The following CD99 variants were observed in gnomAD, a reference collection of about 807,000 sequenced individuals.
CD99 encodes CD99 antigen.
CD99 carries 19 observed loss-of-function variants against 28.4 expected under a neutral mutation model. That is an observed-to-expected ratio of 0.67 (90% CI 0.47 to 0.98). The LOEUF (loss-of-function observed/expected upper bound fraction) is 0.98. Ranked by LOEUF, CD99 falls within the 50% of genes least tolerant of loss-of-function variation. The pLI is 0.00. For synonymous variants in CD99, 103 were observed against 92.1 expected (o/e 1.12, Z -0.67); for missense variants, 283 against 248.8 (o/e 1.14, Z -0.92).
At chrX:2,737,077 C>T (rs1005367983) in intron 8 of CD99, among the ~76,000 whole-genome samples, 2 of 151,996 alleles carry the variant, frequency 1.3e-5, no homozygotes, top group African/African-American at 4.8e-5. Context: ...CCAATTCAAC[C>T]TGAGAAGGAT....
At chrX:2,723,573 C>T (rs985906443) in intron 7 of CD99, 47 of 633,240 alleles carry the variant, frequency 7.4e-5, no homozygotes, top group East Asian at 3.6e-4. Context: ...CCACGTGACG[C>T]GGATTTTATG....
chrX:2,738,761 C>T (rs1308495694), intron 9 of CD99, among the ~76,000 whole-genome samples: 2 of 151,396 alleles, frequency 1.3e-5, no homozygotes, highest in Non-Finnish European at 2.9e-5. Flanking sequence ...ACGATTGGTG[C>T]ATAGTTGGGA....
chrX:2,731,325 T>TA (rs1336070816), intron 8 of CD99, among the ~76,000 whole-genome samples: 1 of 152,030 alleles, frequency 6.6e-6, no homozygotes, highest in Non-Finnish European at 1.5e-5. Flanking sequence ...CGCGGTGGCT[T>TA]ACGCCTGTAA....
At chrX:2,707,036 G>C (rs2048153145) in intron 1 of CD99, among the ~76,000 whole-genome samples, 4 of 152,120 alleles carry the variant, frequency 2.6e-5, no homozygotes, top group Admixed American at 2.0e-4. Context: ...TGGGGTTTAA[G>C]ATAACCCAAG....
chrX:2,724,875 G>A (rs2049189725), intron 7 of CD99, among the ~76,000 whole-genome samples: 1 of 148,186 alleles, frequency 6.7e-6, no homozygotes. Context: ...TCCAGCCTGG[G>A]TGACAAAGTA....
At chrX:2,694,333 G>T (rs780650465) in intron 1 of CD99, among the ~76,000 whole-genome samples, 8 of 151,592 alleles carry the variant, frequency 5.3e-5, no homozygotes, top group African/African-American at 1.9e-4. Flanking sequence ...CCCTGTGGGT[G>T]TGTGTGGAAG....
chrX:2,700,708 A>T (rs1226410099), intron 1 of CD99, among the ~76,000 whole-genome samples: 1 of 151,598 alleles, frequency 6.6e-6, no homozygotes, highest in African/African-American at 2.4e-5. Context: ...GCCACTCATC[A>T]ATTGATACAT....
intron 8 of CD99, among the ~76,000 whole-genome samples, chrX:2,734,432 G>A (rs1308630443): frequency 2.0e-5 from 3 of 151,600 alleles, no homozygotes; most frequent in Admixed American, 6.6e-5. Context: ...TCAGCCTCCC[G>A]AGTAGCTGGG....
intron 1 of CD99, among the ~76,000 whole-genome samples, chrX:2,703,245 G>T (rs191247058): frequency 1.3e-5 from 2 of 152,124 alleles, no homozygotes; most frequent in Non-Finnish European, 2.9e-5. Context: ...GTGATTTTGC[G>T]CTTTCAAATA....
chrX:2,705,841 T>G (rs2048087046), intron 1 of CD99, among the ~76,000 whole-genome samples: 1 of 152,100 alleles, frequency 6.6e-6, no homozygotes, highest in Non-Finnish European at 1.5e-5. Context: ...TTTGACCATT[T>G]GAATAAAATA....
chrX:2,727,323 T>G lies in CD99; in HGVS notation c.475+950T>G, dbSNP rs1195594048. 1.2e-5 allele frequency: 9 copies of G among 779,354 alleles called. No homozygotes were observed. The South Asian group carries it at 1.2e-4, about 10-fold the overall frequency. 48.3% of individuals were successfully genotyped at this position (779,354 alleles called of 1,614,324 possible). A position where few individuals can be genotyped will look rare whatever the true frequency, so the allele number is the denominator to read the frequency against. On this transcript the variant is annotated intron_variant, in intron 8 of 9. Transcript: ENST00000381192. ...CTGGCAGGCTCTTTGGGACCTTGTA[T>G]TGGGATCCGCCGTGAAGCTGGGAAG...
chrX:2,730,796 G>C (rs1331049849), intron 8 of CD99, among the ~76,000 whole-genome samples: 1 of 151,986 alleles, frequency 6.6e-6, no homozygotes, highest in African/African-American at 2.4e-5. Flanking sequence ...GTGCGTGATG[G>C]TGGGCACCTG....
chrX:2,720,442 T>G lies in CD99; in HGVS notation c.262+18T>G. 2 of 1,608,456 alleles carry G rather than the reference T, an allele frequency of 1.2e-6. No homozygotes were observed. The highest frequency in any genetic ancestry group is 1.1e-5 in the South Asian group (1 of 90,958). On this transcript the variant is annotated intron_variant, in intron 5 of 9. Transcript: ENST00000381192. ...TTCCTCCGGTAAGAGTCTCTGACCCTGTGGGATGTCTTCATGTTGTTCAGA... is the reference window on the plus strand; with the variant it reads ...TTCCTCCGGTAAGAGTCTCTGACCCGGTGGGATGTCTTCATGTTGTTCAGA...
At chrX:2,715,216 G>A (rs778911551) in intron 2 of CD99, 2 of 152,216 alleles carry the variant, frequency 1.3e-5, no homozygotes, top group African/African-American at 2.4e-5. Context: ...CACTCTATCA[G>A]CTTCTGGGTC....
At chrX:2,727,154 A>AAAAAC in intron 8 of CD99, 3 of 689,760 alleles carry the variant, frequency 4.3e-6, no homozygotes, top group Non-Finnish European at 8.1e-6. Context: ...AAAACAAAAC[A>AAAAAC]AAAACCAGCA....
chrX:2,726,105 G>A (rs994883779), intron 7 of CD99, among the ~76,000 whole-genome samples, 155 bp from the exon 8 acceptor site: 4 of 152,122 alleles, frequency 2.6e-5, no homozygotes, highest in Non-Finnish European at 5.9e-5. Flanking sequence ...ATCATTCTCG[G>A]CATGCTTCCT....
chrX:2,715,246 G>C (rs1322748040), intron 2 of CD99: 5 of 152,012 alleles, frequency 3.3e-5, no homozygotes, highest in Non-Finnish European at 7.3e-5. Context: ...CTTTGTATTT[G>C]TTTTCCGGGG....
intron 1 of CD99, among the ~76,000 whole-genome samples, chrX:2,694,772 C>T (rs1569423395): frequency 6.6e-6 from 1 of 151,938 alleles, no homozygotes; most frequent in Non-Finnish European, 1.5e-5. Context: ...AAAAAACTTC[C>T]TGCTTTAGCT....
intron 1 of CD99, among the ~76,000 whole-genome samples, chrX:2,709,590 A>G (rs1007526223): frequency 6.6e-6 from 1 of 152,256 alleles, no homozygotes; most frequent in Non-Finnish European, 1.5e-5. Context: ...ACCCACACAT[A>G]CGTGCAGGAG....
Sources: allele counts gnomAD v4.1 joint callset (sites outside exome capture counted in the v4.1 genomes callset), GRCh38; gene constraint gnomAD v4.1.1; transcripts MANE v1.5; gene names NCBI Gene and HGNC (gene_info 2026-07-23, HGNC 2026-07-21).